The following CSK variants were observed in gnomAD, a reference collection of about 807,000 sequenced individuals.
CSK encodes the protein C-terminal Src kinase.
In CSK, 7 loss-of-function variants were observed where a neutral mutation model predicts 62.3. That is an observed-to-expected ratio of 0.11 (90% confidence interval 0.06 to 0.21). CSK has a LOEUF of 0.21. CSK is among the 10% of genes least tolerant of loss of function. The probability of loss-of-function intolerance (pLI) is 1.00; values close to 1 mark genes in which losing one functional copy is unlikely to be tolerated. For missense variants in CSK, 294 were observed against 613.5 expected (o/e 0.48, Z 5.50); for synonymous variants, 237 against 246.0 (o/e 0.96, Z 0.34).
chr15:74,785,062 C>T (rs1293837336), intron 1 of CSK, among the ~76,000 whole-genome samples: 1 of 152,128 alleles, frequency 6.6e-6, no homozygotes, highest in Admixed American at 6.5e-5. Context: ...TAGAAAATAA[C>T]AAAACAGCGC....
intron 1 of CSK, among the ~76,000 whole-genome samples, chr15:74,786,356 G>A (rs1461238226): frequency 1.3e-5 from 2 of 152,076 alleles, no homozygotes; most frequent in African/African-American, 4.8e-5. Flanking sequence ...TCCCAGCTCT[G>A]GCTAGGTCAG....
intron 1 of CSK, among the ~76,000 whole-genome samples, chr15:74,792,085 C>T (rs2063630226): frequency 6.6e-6 from 1 of 152,124 alleles, no homozygotes; most frequent in Non-Finnish European, 1.5e-5. Flanking sequence ...CTAGAGATCT[C>T]CCCTGGCCCC....
chr15:74,785,625 C>T (rs867862970), intron 1 of CSK, among the ~76,000 whole-genome samples: 15 of 152,230 alleles, frequency 9.9e-5, no homozygotes, highest in Admixed American at 2.0e-4. Flanking sequence ...GTGCCTGGCA[C>T]AGCCCTTTCT....
chr15:74,786,856 G>C (rs1294112131), intron 1 of CSK, among the ~76,000 whole-genome samples: 1 of 152,202 alleles, frequency 6.6e-6, no homozygotes. Flanking sequence ...ATTCAGTGCA[G>C]AGGTCCCTTG....
intron 1 of CSK, among the ~76,000 whole-genome samples, chr15:74,796,593 C>CA (rs553348497): frequency 0.046 from 4,540 of 98,140 alleles, 74 homozygotes; most frequent in African/African-American, 0.051. Context: ...GACCCTTTCT[C>CA]AAAAAAAAAA....
rs1263649127 is a variant in CSK at position 74,802,577 on chromosome 15, G to GC, written c.*68dup. The GC allele has an allele frequency of 6.3e-7, 1 of 1,576,840 alleles. No individual in the cohort carries two copies. The highest frequency in any genetic ancestry group is 8.6e-7 in the Non-Finnish European group (1 of 1,166,470). ...GAACCTGGAAGATCATGGACCTGGT[G>GC]CCCCTGCTCACTGGGCCCGAGCCTG... On this transcript the variant is annotated 3_prime_UTR_variant, in exon 13 of 13. Coordinates refer to ENST00000220003, the MANE Select transcript of CSK (RefSeq NM_004383.3).
chr15:74,798,937 C>A lies in CSK; in HGVS notation c.241C>A (p.Pro81Thr). The A allele has an allele frequency of 6.6e-7, 1 of 1,518,828 alleles. No homozygotes were observed. Among genetic ancestry groups the A allele is most frequent in the Non-Finnish European group, 8.8e-7 (1 of 1,136,466 alleles). 94.1% of individuals were successfully genotyped at this position (1,518,828 alleles called of 1,614,324 possible). ...VKAGTKLSLM[P>T]WFHGKITREQ... ...GGCGGGTACCAAACTCAGCCTCATG[C>A]CGTGAGTACCACGAGGAGGGGTTGG... Residue 81 changes from proline (P) to threonine (T), a missense_variant and splice_region_variant, in exon 4 of 13, where the codon CCT becomes ACT. Coordinates refer to ENST00000220003, the MANE Select transcript of CSK (RefSeq NM_004383.3). The surrounding 1 kb of genome is among the most constrained non-coding windows in gnomAD (Gnocchi z 6.6).
chr15:74,797,894 C>T (rs2141818929), intron 1 of CSK: 1 of 182,094 alleles, frequency 5.5e-6, no homozygotes, highest in Non-Finnish European at 1.2e-5. Flanking sequence ...CAGAGCTGCT[C>T]CGGGGCCCCT....
At chr15:74,783,405 T>C (rs2063467764) in intron 1 of CSK, among the ~76,000 whole-genome samples, 1 of 151,764 alleles carries the variant, frequency 6.6e-6, no homozygotes, top group African/African-American at 2.4e-5. Flanking sequence ...CAGGAAGGGG[T>C]GTGTCCAGCC....
Position 74,798,182 on chromosome 15 carries a change from TGGG to T in CSK, c.-65-47_-65-45del. ...CAGTGAGGAGCCAGATCTCAGCAGT[TGGG>T]GGGCATTTCTTCACACCCCTCCTCA... On this transcript the variant is annotated intron_variant, in intron 1 of 12. Transcript: ENST00000220003. The surrounding 1 kb of genome is among the most constrained non-coding windows in gnomAD (Gnocchi z 6.6). 1 of 1,163,066 alleles carries T rather than the reference TGGG, an allele frequency of 8.6e-7. No individual in the cohort carries two copies. The highest frequency in any genetic ancestry group is 2.5e-5 in the East Asian group (1 of 39,788). 72.0% of individuals were successfully genotyped at this position (1,163,066 alleles called of 1,614,324 possible).
intron 4 of CSK, 74 bp downstream of exon 4, chr15:74,799,012 G>A: frequency 7.4e-7 from 1 of 1,345,682 alleles, no homozygotes; most frequent in Non-Finnish European, 9.9e-7. Flanking sequence ...AGCAAGCAGG[G>A]AGGCCAGAGT....
At position 74,801,893 on chromosome 15, in the gene CSK, G is replaced by C. The variant is rs372543924; in HGVS notation, c.1083+3G>C. 1.1e-5 allele frequency: 18 copies of C among 1,609,594 alleles called. No homozygotes were observed. Among genetic ancestry groups the C allele is most frequent in the Admixed American group, 1.7e-5 (1 of 59,894 alleles). On this transcript the variant is annotated splice_donor_region_variant and intron_variant, in intron 11 of 12. Coordinates refer to ENST00000220003, the MANE Select transcript of CSK (RefSeq NM_004383.3). ...CCCCTGAGGCCCTGAGAGAGAAGGT[G>C]GGGCTGGCCTCCCCTGGGGCCTACA...
chr15:74,791,771 G>A (rs1384695443), intron 1 of CSK, among the ~76,000 whole-genome samples: 1 of 152,198 alleles, frequency 6.6e-6, no homozygotes. Flanking sequence ...GCTTCTCCCT[G>A]GTTGGAGTCA....
chr15:74,800,285 C>A, intron 5 of CSK, 127 bp from the exon 6 acceptor site: 1 of 753,416 alleles, frequency 1.3e-6, no homozygotes, highest in South Asian at 1.6e-5. Flanking sequence ...AAATGGGGAG[C>A]CCTCCCCACT....
chr15:74,799,613 T>C, intron 5 of CSK, 122 bp downstream of exon 5: 1 of 989,350 alleles, frequency 1.0e-6, no homozygotes. Flanking sequence ...GGGCAACTTC[T>C]GTGAGCCCTT....
chr15:74,798,090 C>T lies in CSK; in HGVS notation c.-65-143C>T. ...CCTCTACCCAGTACCGTCAGCCTGC[C>T]AGGACTGGAGAGAATGGCCCATGTG... On this transcript the variant is annotated intron_variant, in intron 1 of 12. Transcript: ENST00000220003. The surrounding 1 kb of genome is among the most constrained non-coding windows in gnomAD (Gnocchi z 6.6). 1 of 572,450 alleles carries T rather than the reference C, an allele frequency of 1.7e-6. No homozygotes were observed. Among genetic ancestry groups the T allele is most frequent in the South Asian group, 2.2e-5 (1 of 45,292 alleles). The allele number at this position is 572,450 out of a possible 1,614,324, so 35.5% of individuals were successfully genotyped here.
chr15:74,792,941 A>G (rs143982978), intron 1 of CSK: 21 of 152,312 alleles, frequency 1.4e-4, no homozygotes, highest in African/African-American at 4.8e-4. Flanking sequence ...GGGGTTAACT[A>G]TAGTCCCTTT....
In CSK at chr15:74,799,398, C is replaced by A. The variant is rs979623672; in HGVS notation, c.369C>A (p.Asp123Glu). The A allele has an allele frequency of 1.2e-6, 2 of 1,613,562 alleles. No homozygotes were observed. Among genetic ancestry groups the A allele is most frequent in the African/African-American group, 2.7e-5 (2 of 74,962 alleles). Residue 123 changes from aspartate to glutamate, a missense_variant, in exon 5 of 13, where the codon GAC becomes GAA. Physicochemically the swap from Asp to Glu is conservative, Grantham distance 45. This residue lies in a region of CSK where 202 missense variants were observed against 415.7 expected (regional missense o/e 0.49). Coordinates refer to ENST00000220003, the MANE Select transcript of CSK (RefSeq NM_004383.3). Reference sequence around the variant, plus strand: ...ACTACACGCTGTGCGTGAGCTGCGACGGCAAGGTGGAGCACTACCGCATCA... The same window carrying A: ...ACTACACGCTGTGCGTGAGCTGCGAAGGCAAGGTGGAGCACTACCGCATCA... ...PGDYTLCVSC[D>E]GKVEHYRIMY...
At chr15:74,791,377 C>CGA (rs1348463630) in intron 1 of CSK, among the ~76,000 whole-genome samples, 6 of 152,138 alleles carry the variant, frequency 3.9e-5, no homozygotes, top group African/African-American at 1.4e-4. Flanking sequence ...CACATTTACT[C>CGA]TATCTCTTCT....
Sources: allele counts gnomAD v4.1 joint callset (sites outside exome capture counted in the v4.1 genomes callset), GRCh38; gene constraint gnomAD v4.1.1; regional missense constraint gnomAD v4.1.1; non-coding constraint Gnocchi (gnomAD v3.1); transcripts MANE v1.5; gene names NCBI Gene and HGNC (gene_info 2026-07-23, HGNC 2026-07-21).